The following SH3BGRL2 variants were observed in gnomAD, a reference collection of about 807,000 sequenced individuals.
SH3BGRL2 encodes SH3 domain-binding glutamic acid-rich-like protein 2.
Under a neutral mutation model 14.8 loss-of-function variants are expected in SH3BGRL2, and 21 were observed. The observed-to-expected ratio is 1.42, with a 90% CI of 1.01 to 2.05. The LOEUF (loss-of-function observed/expected upper bound fraction) is 2.05. Among genes scored for constraint, SH3BGRL2 ranks in the 30% most tolerant of loss-of-function variants. SH3BGRL2 has a pLI of 0.00. For synonymous variants in SH3BGRL2, 50 were observed against 47.8 expected, an observed-to-expected ratio of 1.05 and a Z score of -0.19; for missense variants, 147 against 130.8, an observed-to-expected ratio of 1.12 and a Z score of -0.61.
At chr6:79,595,237 C>T in the SH3BGRL2 span, among the ~76,000 whole-genome samples, 1 of 151,882 alleles carries the variant, frequency 6.6e-6, no homozygotes, top group Non-Finnish European at 1.5e-5. Context: ...TTGCAGTGAG[C>T]CAAGATTGCG....
chr6:79,586,794 C>T, the SH3BGRL2 span, among the ~76,000 whole-genome samples: 6 of 152,020 alleles, frequency 3.9e-5, no homozygotes, highest in Middle Eastern at 3.2e-3. Flanking sequence ...TCTTCCATCA[C>T]CCTTCTTCAC....
chr6:79,605,286 C>G, the SH3BGRL2 span, among the ~76,000 whole-genome samples: 1 of 152,152 alleles, frequency 6.6e-6, no homozygotes, highest in African/African-American at 2.4e-5. Flanking sequence ...CCCATCTGCT[C>G]TAGGGGTGTA....
the SH3BGRL2 span, among the ~76,000 whole-genome samples, chr6:79,557,364 G>A: frequency 6.6e-6 from 1 of 151,578 alleles, no homozygotes; most frequent in Non-Finnish European, 1.5e-5. Context: ...TAATTGCTTT[G>A]CCTAATTCAT....
intron 1 of SH3BGRL2, among the ~76,000 whole-genome samples, chr6:79,649,519 C>T (rs1000395167): frequency 6.6e-6 from 1 of 152,116 alleles, no homozygotes; most frequent in Non-Finnish European, 1.5e-5. Flanking sequence ...CTACCTCTGG[C>T]CCCCACATTT....
At chr6:79,554,302 G>A in the SH3BGRL2 span, among the ~76,000 whole-genome samples, 1 of 152,118 alleles carries the variant, frequency 6.6e-6, no homozygotes, top group South Asian at 2.1e-4. Context: ...ATTTCTAGAA[G>A]TTATTTTTAT....
chr6:79,557,053 A>C, the SH3BGRL2 span, among the ~76,000 whole-genome samples: 1 of 151,866 alleles, frequency 6.6e-6, no homozygotes, highest in Non-Finnish European at 1.5e-5. Flanking sequence ...TACTTTTATA[A>C]CCATTCATGC....
intron 1 of SH3BGRL2, among the ~76,000 whole-genome samples, chr6:79,665,800 A>T (rs1487278808): frequency 1.3e-5 from 2 of 152,306 alleles, no homozygotes; most frequent in Admixed American, 6.5e-5. Context: ...TCAAAAATTG[A>T]CCTTTATTTT....
the SH3BGRL2 span, among the ~76,000 whole-genome samples, chr6:79,610,928 C>A: frequency 6.6e-6 from 1 of 152,158 alleles, no homozygotes; most frequent in Non-Finnish European, 1.5e-5. Flanking sequence ...AAAATTGATT[C>A]ATTGAATTGA....
chr6:79,592,312 G>A, the SH3BGRL2 span, among the ~76,000 whole-genome samples: 2 of 152,160 alleles, frequency 1.3e-5, no homozygotes, highest in Non-Finnish European at 2.9e-5. Flanking sequence ...GCCAGTCCTT[G>A]ACTAGGCCTC....
chr6:79,626,838 G>A (rs1278967341), upstream of SH3BGRL2, among the ~76,000 whole-genome samples: 1 of 152,198 alleles, frequency 6.6e-6, no homozygotes, highest in Non-Finnish European at 1.5e-5. Context: ...TCACCTGCCT[G>A]ATCCCTAAAG....
the SH3BGRL2 span, among the ~76,000 whole-genome samples, chr6:79,583,753 A>C: frequency 2.0e-5 from 3 of 152,232 alleles, no homozygotes; most frequent in East Asian, 5.8e-4. Flanking sequence ...CACGTTGTGC[A>C]CCTGTACCCT....
chr6:79,633,757 A>G (rs1451095473), intron 1 of SH3BGRL2, among the ~76,000 whole-genome samples: 1 of 152,196 alleles, frequency 6.6e-6, no homozygotes, highest in Non-Finnish European at 1.5e-5. Context: ...TTTATCTCCT[A>G]TATCAGTACA....
chr6:79,608,178 G>A, the SH3BGRL2 span, among the ~76,000 whole-genome samples: 1 of 152,144 alleles, frequency 6.6e-6, no homozygotes, highest in Non-Finnish European at 1.5e-5. Context: ...GGGGTAGTCA[G>A]CCCCCATGAT....
intron 2 of SH3BGRL2, among the ~76,000 whole-genome samples, 183 bp downstream of exon 2, chr6:79,673,982 T>C (rs1769830880): frequency 6.6e-6 from 1 of 152,046 alleles, no homozygotes; most frequent in Non-Finnish European, 1.5e-5. Flanking sequence ...GGACTGTGTA[T>C]GTATGTGCGA....
At chr6:79,638,242 T>C (rs1429592068) in intron 1 of SH3BGRL2, among the ~76,000 whole-genome samples, 1 of 152,220 alleles carries the variant, frequency 6.6e-6, no homozygotes, top group Admixed American at 6.5e-5. Context: ...TTATTTCACT[T>C]AATGTAATGT....
chr6:79,669,977 A>G (rs570380896), intron 1 of SH3BGRL2, among the ~76,000 whole-genome samples: 1 of 152,334 alleles, frequency 6.6e-6, no homozygotes, highest in East Asian at 1.9e-4. Flanking sequence ...AGCCTTTTCT[A>G]TAAAGGGCAG....
chr6:79,656,359 T>C (rs1398330931), intron 1 of SH3BGRL2, among the ~76,000 whole-genome samples: 1 of 152,232 alleles, frequency 6.6e-6, no homozygotes, highest in Non-Finnish European at 1.5e-5. Context: ...GCTAAGATCT[T>C]CTGAATTTTC....
chr6:79,639,385 T>C (rs1188672578), intron 1 of SH3BGRL2, among the ~76,000 whole-genome samples: 1 of 152,140 alleles, frequency 6.6e-6, no homozygotes, highest in Non-Finnish European at 1.5e-5. Flanking sequence ...ACTCAGGAGC[T>C]CGAGACCAGC....
chr6:79,675,198 T>C (rs1582732214), intron 2 of SH3BGRL2, among the ~76,000 whole-genome samples: 3 of 152,200 alleles, frequency 2.0e-5, no homozygotes, highest in African/African-American at 7.2e-5. Flanking sequence ...TCCCTCGGAC[T>C]TCGAGGCTTT....
Sources: gnomAD v4.1 joint callset for allele counts (sites outside exome capture counted in the v4.1 genomes callset) on GRCh38, gnomAD v4.1.1 for gene constraint, MANE v1.5 for transcripts, NCBI Gene and HGNC (gene_info 2026-07-23, HGNC 2026-07-21) for gene names.